Variants in TACO1 observed in about 807,000 individuals in gnomAD.
TACO1 encodes translational activator of cytochrome c oxidase I.
Under a neutral mutation model 24.0 loss-of-function variants are expected in TACO1, and 13 were observed. The observed-to-expected ratio is 0.54, with a 90% confidence interval of 0.35 to 0.86. TACO1 has a LOEUF of 0.86. Ranked by LOEUF, TACO1 falls within the 40% of genes least tolerant of loss-of-function variation. The pLI is 0.01. For missense variants in TACO1, 352 were observed against 380.1 expected (o/e 0.93, Z 0.61); for synonymous variants, 149 against 153.5 (o/e 0.97, Z 0.22).
rs941728930 is a variant in TACO1, at chr17:63,603,892, A to G, written c.281-642A>G. On this transcript the variant is annotated intron_variant, in intron 1 of 4. Transcript: ENST00000258975. ...AAATTACCTGGGTGTGGTGGTGCAC[A>G]CCAGTGGTCCCAGCTACTTGGGAGG... Among the ~76,000 whole-genome samples, 35 of 150,972 alleles carry G rather than the reference A, an allele frequency of 2.3e-4. 1 individual carries two copies. In the East Asian group the frequency reaches 6.5e-3, roughly 28 times the overall value.
chr17:63,607,931 C>T lies in TACO1; in HGVS notation c.823C>T (p.Gln275Ter), dbSNP rs772718967. 1.9e-6 allele frequency: 3 copies of T among 1,614,120 alleles called. No individual in the cohort carries two copies. Among genetic ancestry groups the T allele is most frequent in the Non-Finnish European group, 1.7e-6 (2 of 1,180,052 alleles). ...GCAGCTGGCTGAGCCCGACCTGGAA[C>T]AGGCCGCACATCTCATTCAGGCTCT... The part of the protein sequence containing the change: ...KVQLAEPDLE[Q>*]AAHLIQALSN... The change falls in exon 5 of 5, where the codon CAG becomes TAG. Residue 275 changes from glutamine (Q) to a stop codon, truncating the protein, a stop_gained. Coordinates refer to ENST00000258975, the MANE Select transcript of TACO1 (RefSeq NM_016360.4). LOFTEE classifies it high-confidence loss of function.
intron 1 of TACO1, among the ~76,000 whole-genome samples, chr17:63,604,018 CAA>C (rs1005513192): frequency 3.9e-5 from 5 of 127,424 alleles, no homozygotes; most frequent in Admixed American, 1.6e-4. Flanking sequence ...GACTTTGTCT[CAA>C]AAAAAAAAAA....
At chr17:63,605,568 A>G (rs760231845) in intron 2 of TACO1, among the ~76,000 whole-genome samples, 2 of 152,236 alleles carry the variant, frequency 1.3e-5, no homozygotes, top group Non-Finnish European at 2.9e-5. Flanking sequence ...CGCATAGAAA[A>G]TGACAGACTT....
chr17:63,607,512 A>G (rs752062269), intron 4 of TACO1, 48 bp downstream of exon 4: 43 of 1,595,620 alleles, frequency 2.7e-5, no homozygotes, highest in South Asian at 3.3e-5. Flanking sequence ...GAGGACCCTG[A>G]TAGATGCCTT....
chr17:63,607,952 G>C lies in TACO1; in HGVS notation c.844G>C (p.Ala282Pro), dbSNP rs776039723. ...DLEQAAHLIQ[A>P]LSNHEDVIHV... ...GGAACAGGCCGCACATCTCATTCAG[G>C]CTCTCAGCAACCACGAGGATGTGAT... Residue 282 changes from alanine (A) to proline (P), a missense_variant, in exon 5 of 5, where the codon GCT becomes CCT. Coordinates refer to ENST00000258975, the MANE Select transcript of TACO1 (RefSeq NM_016360.4). 1 of 1,614,160 alleles carries C rather than the reference G, an allele frequency of 6.2e-7. No individual in the cohort carries two copies. Among genetic ancestry groups the C allele is most frequent in the Non-Finnish European group, 8.5e-7 (1 of 1,180,036 alleles).
chr17:63,604,342 C>T (rs2033846230), intron 1 of TACO1, among the ~76,000 whole-genome samples, 192 bp from the exon 2 acceptor site: 1 of 152,058 alleles, frequency 6.6e-6, no homozygotes, highest in Non-Finnish European at 1.5e-5. Context: ...TCTCAAAAAA[C>T]AAACCAAAAA....
chr17:63,606,503 G>A (rs1008381635), intron 3 of TACO1, 63 bp downstream of exon 3: 2 of 1,598,302 alleles, frequency 1.3e-6, no homozygotes, highest in African/African-American at 1.3e-5. Context: ...TCTCTGCAAG[G>A]CAAGTACTGT....
rs141350830 is a variant in TACO1 at position 63,601,281 on chromosome 17, C to G, written c.198C>G (p.Val66=). The change falls in exon 1 of 5, where the codon GTC becomes GTG. Residue 66 remains valine (V), a synonymous_variant. Coordinates refer to ENST00000258975, the MANE Select transcript of TACO1 (RefSeq NM_016360.4). The part of the protein sequence containing the change: ...VPAGHNKWSK[V]RHIKGPKDVE... Reference sequence around the variant, plus strand: ...CCGGGCACAACAAGTGGTCCAAAGTCAGGCACATCAAGGGTCCGAAGGACG... The same window carrying G: ...CCGGGCACAACAAGTGGTCCAAAGTGAGGCACATCAAGGGTCCGAAGGACG... 2 of 1,612,804 alleles carry G rather than the reference C, an allele frequency of 1.2e-6. No individual in the cohort carries two copies. Among genetic ancestry groups the G allele is most frequent in the Non-Finnish European group, 1.7e-6 (2 of 1,179,874 alleles).
At chr17:63,606,513 T>C in intron 3 of TACO1, 73 bp downstream of exon 3, 1 of 1,577,046 alleles carries the variant, frequency 6.3e-7, no homozygotes, top group Non-Finnish European at 8.7e-7. Flanking sequence ...GCAAGTACTG[T>C]TGATCTCTGC....
In TACO1 at chr17:63,608,136, G is replaced by A. The variant is rs576357757; in HGVS notation, c.*134G>A. On this transcript the variant is annotated 3_prime_UTR_variant, in exon 5 of 5. Coordinates refer to ENST00000258975, the MANE Select transcript of TACO1 (RefSeq NM_016360.4). The stretch of plus-strand genomic sequence containing the variant: ...GCCAGGAGGCCCAAGGACAGGACTT[G>A]CGACCTTGAAGCCAAAGGAATCTCA... 5.1e-6 allele frequency: 5 copies of A among 983,772 alleles called. No homozygotes were observed. Among genetic ancestry groups the A allele is most frequent in the Admixed American group, 2.0e-5 (1 of 50,238 alleles). The allele number at this position is 983,772 out of a possible 1,614,324, so 60.9% of individuals were successfully genotyped here. A position where few individuals can be genotyped will look rare whatever the true frequency, so the allele number is the denominator to read the frequency against.
chr17:63,607,676 C>A, intron 4 of TACO1, 126 bp from the exon 5 acceptor site: 1 of 1,030,920 alleles, frequency 9.7e-7, no homozygotes, highest in East Asian at 2.4e-5. Flanking sequence ...AACGATGTCC[C>A]TGCCAGTGAA....
rs1039002910 is a variant in TACO1, at chr17:63,604,657, A to G, written c.387+17A>G. The G allele has an allele frequency of 6.2e-7, 1 of 1,605,988 alleles. No homozygotes were observed. Among genetic ancestry groups the G allele is most frequent in the South Asian group, 1.1e-5 (1 of 90,928 alleles). On this transcript the variant is annotated intron_variant, in intron 2 of 4. Coordinates refer to ENST00000258975, the MANE Select transcript of TACO1 (RefSeq NM_016360.4). ...AAAATGGAGGTGTGTACTGTTTGAC[A>G]TGCTTTTTATTGATCACAGCCTCTA...
At chr17:63,601,395 G>T (rs1485418598) in intron 1 of TACO1, 32 bp downstream of exon 1, 1 of 1,607,732 alleles carries the variant, frequency 6.2e-7, no homozygotes, top group Non-Finnish European at 8.5e-7. Flanking sequence ...AGCACTGGCT[G>T]CCGCTGCCCT....
rs766925588 is a variant in TACO1, at chr17:63,606,391, A to C, written c.466A>C (p.Ser156Arg). 3 of 1,614,202 alleles carry C rather than the reference A, an allele frequency of 1.9e-6. No individual in the cohort carries two copies. Among genetic ancestry groups the C allele is most frequent in the Non-Finnish European group, 2.5e-6 (3 of 1,180,012 alleles). Residue 156 changes from serine to arginine, a missense_variant, in exon 3 of 5, where the codon AGT becomes CGT. Transcript: ENST00000258975. Reference sequence around the variant, plus strand: ...TCTGCTCATCGAGGCATTATCTAACAGTAGCCACAAGTGCCAAGCAGACAT... The same window carrying C: ...TCTGCTCATCGAGGCATTATCTAACCGTAGCCACAAGTGCCAAGCAGACAT... ...SSLLIEALSNSSHKCQADIRH... is the reference protein window; with the variant it reads ...SSLLIEALSNRSHKCQADIRH...
At chr17:63,602,143 C>CTGGCTACT (rs1220365509) in intron 1 of TACO1, among the ~76,000 whole-genome samples, 1 of 146,748 alleles carries the variant, frequency 6.8e-6, no homozygotes, top group East Asian at 2.0e-4. Flanking sequence ...GCCTGTAATG[C>CTGGCTACT]TGGCTACTCG....
chr17:63,602,092 A>AC (rs1451766000), intron 1 of TACO1, among the ~76,000 whole-genome samples: 5 of 146,936 alleles, frequency 3.4e-5, no homozygotes, highest in Non-Finnish European at 6.0e-5. Flanking sequence ...AAAAATAACA[A>AC]AAAAAAAAAA....
chr17:63,607,147 C>T, intron 3 of TACO1, 140 bp from the exon 4 acceptor site: 1 of 811,026 alleles, frequency 1.2e-6, no homozygotes, highest in Non-Finnish European at 2.1e-6. Context: ...TGCATTTTCT[C>T]CTTGAGGATG....
In TACO1 at chr17:63,607,565, A is replaced by C. The variant is rs1169728192; in HGVS notation, c.693+101A>C. The C allele has an allele frequency of 3.2e-6, 4 of 1,240,346 alleles. No homozygotes were observed. In the Middle Eastern group the frequency reaches 7.5e-4, roughly 232 times the overall value. 76.8% of individuals were successfully genotyped at this position (1,240,346 alleles called of 1,614,324 possible). On this transcript the variant is annotated intron_variant, in intron 4 of 4. Coordinates refer to ENST00000258975, the MANE Select transcript of TACO1 (RefSeq NM_016360.4). The stretch of plus-strand genomic sequence containing the variant: ...TCTTCCTTCATGTGCCCCAGGGTAT[A>C]GGTGAGACAGTTCACATATTGTACA...
chr17:63,604,592 C>T lies in TACO1; in HGVS notation c.339C>T (p.Arg113=), dbSNP rs1194119476. The change falls in exon 2 of 5, where the codon CGC becomes CGT. Residue 113 remains arginine, a synonymous_variant. Coordinates refer to ENST00000258975, the MANE Select transcript of TACO1 (RefSeq NM_016360.4). ...SNLANILEVC[R]SKHMPKSTIE... ...TGGCCAATATCTTAGAGGTGTGTCG[C>T]AGCAAACATATGCCCAAGTCAACGA... The T allele has an allele frequency of 6.2e-7, 1 of 1,614,012 alleles. No individual in the cohort carries two copies. The highest frequency in any genetic ancestry group is 1.3e-5 in the African/African-American group (1 of 74,904).
Sources: allele counts gnomAD v4.1 joint callset (sites outside exome capture counted in the v4.1 genomes callset), GRCh38; gene constraint gnomAD v4.1.1; transcripts MANE v1.5; gene names NCBI Gene and HGNC (gene_info 2026-07-23, HGNC 2026-07-21).